Variants in FBLN1 observed in about 807,000 individuals in gnomAD.
FBLN1 encodes fibulin 1, also known as fibulin-1.
In FBLN1, 34 loss-of-function variants were observed where a neutral mutation model predicts 89.7. The ratio of observed to expected loss-of-function variants is 0.38; its 90% CI spans 0.29 to 0.50. The LOEUF (loss-of-function observed/expected upper bound fraction) is 0.50. Ranked by LOEUF, FBLN1 falls within the 20% of genes least tolerant of loss-of-function variation. The probability of loss-of-function intolerance (pLI) is 0.92; values close to 1 mark genes in which losing one functional copy is unlikely to be tolerated. For missense variants in FBLN1, 777 were observed against 988.1 expected (o/e 0.79, Z 2.86); for synonymous variants, 393 against 391.3 (o/e 1.00, Z -0.05).
intron 3 of FBLN1, among the ~76,000 whole-genome samples, chr22:45,526,385 G>A (rs1334099834): frequency 6.6e-6 from 1 of 152,200 alleles, no homozygotes; most frequent in African/African-American, 2.4e-5. Flanking sequence ...TTGCCTACAG[G>A]CAGTAAACCC....
chr22:45,506,727 C>A (rs767495155), intron 1 of FBLN1, among the ~76,000 whole-genome samples: 60 of 152,146 alleles, frequency 3.9e-4, no homozygotes, highest in Non-Finnish European at 8.2e-4. Context: ...CAGTTCCTTC[C>A]AGTTCCACCC....
At chr22:45,527,485 C>T (rs1176854352) in intron 3 of FBLN1, among the ~76,000 whole-genome samples, 2 of 152,022 alleles carry the variant, frequency 1.3e-5, no homozygotes, top group East Asian at 3.9e-4. Context: ...AACTTTGGAG[C>T]TGGTGCATGG....
At chr22:45,594,309 T>G (rs923697659) in intron 16 of FBLN1, among the ~76,000 whole-genome samples, 1 of 152,136 alleles carries the variant, frequency 6.6e-6, no homozygotes, top group Non-Finnish European at 1.5e-5. Flanking sequence ...GCTTCTTGGT[T>G]CTCTGAGACT....
In FBLN1 at chr22:45,597,116, C is replaced by T. The variant is rs988536252; in HGVS notation, c.1973-3191C>T. ...TTCCCGGGCTCAAACAATTCTGCCA[C>T]CTCAGCCTCCTGAGTAGCTGGGACT... On this transcript the variant is annotated intron_variant, in intron 16 of 16. Coordinates refer to ENST00000327858, the MANE Select transcript of FBLN1 (RefSeq NM_006486.3). This position sits in a 1 kb window ranked among gnomAD's most constrained non-coding sequence, Gnocchi z 4.2. 1.4e-5 allele frequency among the ~76,000 whole-genome samples: 2 copies of T among 138,614 alleles called. No homozygotes were observed. Among genetic ancestry groups the T allele is most frequent in the East Asian group, 2.3e-4 (1 of 4,442 alleles). 90.9% of individuals were successfully genotyped at this position (138,614 alleles called of 152,430 possible). A position where few individuals can be genotyped will look rare whatever the true frequency, so the allele number is the denominator to read the frequency against.
In FBLN1 at chr22:45,574,970, G is replaced by T. The variant is rs2088983393; in HGVS notation, c.1840+317G>T. On this transcript the variant is annotated intron_variant, in intron 15 of 16. Coordinates refer to ENST00000327858, the MANE Select transcript of FBLN1 (RefSeq NM_006486.3). This position sits in a 1 kb window ranked among gnomAD's most constrained non-coding sequence, Gnocchi z 4.1. ...CTAATCTTTTTGTATTTTTAGTAAA[G>T]ACGGGGTTTCACCGTGTTCGCCAGG... is the stretch of plus-strand genomic sequence containing the variant. Among the ~76,000 whole-genome samples, 1 of 151,932 alleles carries T rather than the reference G, an allele frequency of 6.6e-6. No homozygotes were observed. The highest frequency in any genetic ancestry group is 1.9e-4 in the East Asian group (1 of 5,166).
intron 16 of FBLN1, among the ~76,000 whole-genome samples, chr22:45,585,805 A>G (rs1359945516): frequency 1.3e-5 from 2 of 152,106 alleles, no homozygotes; most frequent in Non-Finnish European, 1.5e-5. Flanking sequence ...TCTGCTCCCT[A>G]TGTCGTGACC....
chr22:45,562,083 C>T lies in FBLN1; in HGVS notation c.1697+11468C>T, dbSNP rs1386747414. On this transcript the variant is annotated intron_variant, in intron 14 of 16. Coordinates refer to ENST00000327858, the MANE Select transcript of FBLN1 (RefSeq NM_006486.3). The surrounding 1 kb of genome is among the most constrained non-coding windows in gnomAD (Gnocchi z 7.8). The stretch of plus-strand genomic sequence containing the variant: ...CACACCCAGGATCAATACTTTGTAT[C>T]CTTCAATCCAATCAAGTTGACACTA... 6.6e-6 allele frequency among the ~76,000 whole-genome samples: 1 copy of T among 152,194 alleles called. No individual in the cohort carries two copies. The highest frequency in any genetic ancestry group is 1.5e-5 in the Non-Finnish European group (1 of 68,032).
chr22:45,529,567 A>C (rs1255287230), intron 4 of FBLN1, among the ~76,000 whole-genome samples: 1 of 152,150 alleles, frequency 6.6e-6, no homozygotes, highest in Non-Finnish European at 1.5e-5. Flanking sequence ...ACTCTCTTAA[A>C]AAATAAAAGA....
In FBLN1 at chr22:45,580,022, C is replaced by T. The variant is rs1008758305; in HGVS notation, c.1972+2914C>T. On this transcript the variant is annotated intron_variant, in intron 16 of 16. Transcript: ENST00000327858. This position sits in a 1 kb window ranked among gnomAD's most constrained non-coding sequence, Gnocchi z 8.6. ...TACCGTTGCTGGGCACCTTCACCCC[C>T]GCATTCCCCAGTCCTCACAGACACT... 2.0e-5 allele frequency among the ~76,000 whole-genome samples: 3 copies of T among 152,244 alleles called. No individual in the cohort carries two copies. The highest frequency in any genetic ancestry group is 6.5e-5 in the Admixed American group (1 of 15,292).
rs924429470 is a variant in FBLN1, at chr22:45,580,552, C to G, written c.1972+3444C>G. ...CTGTGACACGGTGGGATTATCTCCT[C>G]TAACAAAGGAGAGAGCGAGAGCCAG... is the stretch of plus-strand genomic sequence containing the variant. On this transcript the variant is annotated intron_variant, in intron 16 of 16. Transcript: ENST00000327858. This position sits in a 1 kb window ranked among gnomAD's most constrained non-coding sequence, Gnocchi z 8.6. Among the ~76,000 whole-genome samples the G allele has an allele frequency of 1.3e-5, 2 of 152,198 alleles. No individual in the cohort carries two copies. Among genetic ancestry groups the G allele is most frequent in the Non-Finnish European group, 2.9e-5 (2 of 68,040 alleles).
intron 16 of FBLN1, among the ~76,000 whole-genome samples, chr22:45,591,359 G>A (rs1161544135): frequency 1.5e-5 from 2 of 129,714 alleles, no homozygotes; most frequent in Non-Finnish European, 3.0e-5. Context: ...GGTGAAGGCT[G>A]AAGGGCTTTA....
intron 3 of FBLN1, among the ~76,000 whole-genome samples, chr22:45,527,197 C>G (rs136729): frequency 0.91 from 138,614 of 152,226 alleles, 63,209 homozygotes; most frequent in African/African-American, 0.96. Flanking sequence ...AAGACTGAAG[C>G]AGGGCTTTTC....
intron 1 of FBLN1, among the ~76,000 whole-genome samples, chr22:45,518,084 A>G (rs2088193496): frequency 6.8e-6 from 1 of 147,494 alleles, no homozygotes. Flanking sequence ...GTGAGCTCAG[A>G]TCGCGCCATT....
chr22:45,525,645 T>C lies in FBLN1; in HGVS notation c.288T>C (p.Gly96=). The change falls in exon 3 of 17, where the codon GGT becomes GGC. Residue 96 remains glycine (G), a synonymous_variant. Transcript: ENST00000327858. ...NEQDRCATPH[G]DNASLEATFV... The stretch of plus-strand genomic sequence containing the variant: ...AGGACCGCTGTGCCACGCCCCACGG[T>C]GACAACGCCAGCCTGGAGGCCACAT... The C allele has an allele frequency of 6.4e-7, 1 of 1,551,308 alleles. No individual in the cohort carries two copies. The highest frequency in any genetic ancestry group is 8.7e-7 in the Non-Finnish European group (1 of 1,147,000).
intron 14 of FBLN1, among the ~76,000 whole-genome samples, chr22:45,569,109 G>A (rs1002592421): frequency 5.9e-5 from 9 of 152,166 alleles, no homozygotes; most frequent in African/African-American, 2.2e-4. Flanking sequence ...GTCACATTCT[G>A]AGGTACTGGG....
At chr22:45,555,099 G>T (rs1444759617) in intron 14 of FBLN1, among the ~76,000 whole-genome samples, 3 of 146,990 alleles carry the variant, frequency 2.0e-5, no homozygotes, top group Admixed American at 6.8e-5. Context: ...TCCACCGCAG[G>T]AGGTTGGGAC....
intron 16 of FBLN1, among the ~76,000 whole-genome samples, chr22:45,587,647 G>C (rs1450264639): frequency 1.3e-5 from 2 of 152,080 alleles, no homozygotes; most frequent in Non-Finnish European, 2.9e-5. Context: ...TCTACCAACT[G>C]GCCTTCCGGC....
At chr22:45,513,706 A>G (rs1045381699) in intron 1 of FBLN1, among the ~76,000 whole-genome samples, 14 of 152,010 alleles carry the variant, frequency 9.2e-5, no homozygotes, top group Non-Finnish European at 2.1e-4. Context: ...TTCCCTACAA[A>G]TTTAACTCCT....
In FBLN1 at chr22:45,563,469, G is replaced by A; in HGVS notation, c.1698-11042G>A. On this transcript the variant is annotated intron_variant, in intron 14 of 16. Coordinates refer to ENST00000327858, the MANE Select transcript of FBLN1 (RefSeq NM_006486.3). The surrounding 1 kb of genome is among the most constrained non-coding windows in gnomAD (Gnocchi z 5.7). ...CGCCTGGTACCCCCGAGGGCTGACT[G>A]AGGAGCGCTCCCCACTAGAGGGTGT... The A allele has an allele frequency of 9.0e-7, 1 of 1,109,506 alleles. No individual in the cohort carries two copies. Among genetic ancestry groups the A allele is most frequent in the Non-Finnish European group, 1.3e-6 (1 of 794,852 alleles). 68.7% of individuals were successfully genotyped at this position (1,109,506 alleles called of 1,614,324 possible). A position where few individuals can be genotyped will look rare whatever the true frequency, so the allele number is the denominator to read the frequency against.
Sources: gnomAD v4.1 joint callset for allele counts (sites outside exome capture counted in the v4.1 genomes callset) on GRCh38, gnomAD v4.1.1 for gene constraint, Gnocchi (gnomAD v3.1) non-coding constraint, MANE v1.5 for transcripts, NCBI Gene and HGNC (gene_info 2026-07-23, HGNC 2026-07-21) for gene names.